Variants in MDGA2 observed in about 807,000 individuals in gnomAD.
The protein encoded by MDGA2 is MAM domain-containing glycosylphosphatidylinositol anchor protein 2.
In MDGA2, 40 loss-of-function variants were observed where a neutral mutation model predicts 117.8. The observed-to-expected ratio is 0.34, with a 90% CI of 0.26 to 0.44. The LOEUF (loss-of-function observed/expected upper bound fraction) is 0.44. Among genes scored for constraint, MDGA2 ranks in the 20% least tolerant of loss-of-function variants. The pLI is 1.00. For synonymous variants in MDGA2, 452 were observed against 439.0 expected, an observed-to-expected ratio of 1.03 and a Z score of -0.37; for missense variants, 1,123 against 1,250.6, an observed-to-expected ratio of 0.90 and a Z score of 1.54.
chr14:47,187,624 C>T (rs1425966133), intron 3 of MDGA2, among the ~76,000 whole-genome samples: 1 of 152,024 alleles, frequency 6.6e-6, no homozygotes, highest in Non-Finnish European at 1.5e-5. Context: ...ATCCATTCTG[C>T]TATTAATAGA....
intron 8 of MDGA2, among the ~76,000 whole-genome samples, chr14:47,012,857 T>G (rs759959581): frequency 2.6e-5 from 4 of 152,076 alleles, no homozygotes; most frequent in Non-Finnish European, 5.9e-5. Flanking sequence ...CCTGTGCATA[T>G]AAAAATTACA....
chr14:47,565,873 G>A (rs1389768100), intron 1 of MDGA2, among the ~76,000 whole-genome samples: 1 of 152,182 alleles, frequency 6.6e-6, no homozygotes, highest in African/African-American at 2.4e-5. Context: ...ACAATGTGGG[G>A]CAGGGAATGG....
chr14:46,899,725 C>T (rs919388884), intron 10 of MDGA2, among the ~76,000 whole-genome samples: 2 of 152,004 alleles, frequency 1.3e-5, no homozygotes, highest in East Asian at 3.9e-4. Flanking sequence ...TTGTAAGTTG[C>T]TAGTTGGCAA....
chr14:47,492,762 T>A (rs1344005804), intron 1 of MDGA2, among the ~76,000 whole-genome samples: 2 of 152,100 alleles, frequency 1.3e-5, no homozygotes, highest in Non-Finnish European at 2.9e-5. Flanking sequence ...ACAAGAAATT[T>A]TTTTTACTGT....
chr14:47,642,147 G>C (rs1262827203), intron 1 of MDGA2, among the ~76,000 whole-genome samples: 1 of 152,030 alleles, frequency 6.6e-6, no homozygotes, highest in African/African-American at 2.4e-5. Flanking sequence ...ATAAGGAATG[G>C]ACTCTGGAGA....
At chr14:47,618,591 G>T (rs1402298336) in intron 1 of MDGA2, among the ~76,000 whole-genome samples, 1 of 151,988 alleles carries the variant, frequency 6.6e-6, no homozygotes, top group Non-Finnish European at 1.5e-5. Flanking sequence ...GCTCATTTTT[G>T]CAATTTTTCT....
chr14:47,260,384 C>G, intron 2 of MDGA2, among the ~76,000 whole-genome samples: 1 of 152,020 alleles, frequency 6.6e-6, no homozygotes, highest in South Asian at 2.1e-4. Flanking sequence ...AAGTGAAAGA[C>G]GACAGTCAAG....
intron 2 of MDGA2, among the ~76,000 whole-genome samples, chr14:47,294,323 C>T (rs1888989822): frequency 6.6e-6 from 1 of 151,978 alleles, no homozygotes; most frequent in Non-Finnish European, 1.5e-5. Context: ...TCTCGAACTC[C>T]TGAGCTCAAG....
intron 1 of MDGA2, among the ~76,000 whole-genome samples, chr14:47,358,085 T>C (rs756540359): frequency 1.3e-5 from 2 of 152,150 alleles, no homozygotes; most frequent in African/African-American, 4.8e-5. Context: ...AGAAAACCAG[T>C]TGGATCCATA....
intron 1 of MDGA2, among the ~76,000 whole-genome samples, chr14:47,518,057 G>T (rs557674026): frequency 6.6e-6 from 1 of 152,042 alleles, no homozygotes; most frequent in African/African-American, 2.4e-5. Context: ...TTTTTATATT[G>T]TAGGTGACTG....
At chr14:47,384,871 GAGAATACAA>G (rs913642087) in intron 1 of MDGA2, among the ~76,000 whole-genome samples, 2 of 152,198 alleles carry the variant, frequency 1.3e-5, no homozygotes, top group African/African-American at 4.8e-5. Flanking sequence ...CATGCAACCA[GAGAATACAA>G]AGATAGCTGA....
chr14:47,524,278 C>T (rs951873209), intron 1 of MDGA2, among the ~76,000 whole-genome samples: 1 of 152,104 alleles, frequency 6.6e-6, no homozygotes, highest in East Asian at 1.9e-4. Flanking sequence ...GAGGATTTTA[C>T]TTTAATGGCA....
chr14:47,626,749 G>A (rs1214387940), intron 1 of MDGA2, among the ~76,000 whole-genome samples: 1 of 152,182 alleles, frequency 6.6e-6, no homozygotes, highest in African/African-American at 2.4e-5. Context: ...CTGCCTCCCA[G>A]CGAGGCAGGG....
At chr14:47,223,907 A>G (rs1300714509) in intron 2 of MDGA2, among the ~76,000 whole-genome samples, 1 of 152,138 alleles carries the variant, frequency 6.6e-6, no homozygotes, top group Non-Finnish European at 1.5e-5. Flanking sequence ...AGTGCCAAGC[A>G]AAGCTGGAAA....
At position 47,437,083 on chromosome 14, in the gene MDGA2, CT is replaced by C. The variant is rs1001213279; in HGVS notation, c.281-135534del. ...TCTTTTTAGCCTAGAATTGTACTTTCTTTTTTTTTTGTGGTGGGGAGGGGGA... is the reference window on the plus strand; with the variant it reads ...TCTTTTTAGCCTAGAATTGTACTTTCTTTTTTTTTGTGGTGGGGAGGGGGA... On this transcript the variant is annotated intron_variant, in intron 1 of 16. Coordinates refer to ENST00000399232, the MANE Select transcript of MDGA2 (RefSeq NM_001113498.3). Among the ~76,000 whole-genome samples the C allele has an allele frequency of 7.1e-4, 106 of 148,452 alleles. 1 individual carries two copies. Among genetic ancestry groups the C allele is most frequent in the African/African-American group, 1.4e-3 (55 of 40,586 alleles).
chr14:47,096,742 TATTTTACAG>T lies in MDGA2; in HGVS notation c.1195+103_1195+111del, dbSNP rs1879994643. 3.8e-6 allele frequency: 4 copies of T among 1,059,360 alleles called. No individual in the cohort carries two copies. In the Admixed American group the frequency reaches 8.6e-5, roughly 23 times the overall value. The allele number at this position is 1,059,360 out of a possible 1,614,324, so 65.6% of individuals were successfully genotyped here. A position where few individuals can be genotyped will look rare whatever the true frequency, so the allele number is the denominator to read the frequency against. On this transcript the variant is annotated intron_variant, in intron 6 of 16. Transcript: ENST00000399232. ...TATTATTTATACATGATTTTATCTG[TATTTTACAG>T]ATACATGCAATATTTGAGGAGGTAA...
At chr14:47,066,091 C>G (rs1050018858) in intron 6 of MDGA2, among the ~76,000 whole-genome samples, 22 of 152,176 alleles carry the variant, frequency 1.4e-4, no homozygotes, top group African/African-American at 5.1e-4. Context: ...TAGGTTACAT[C>G]AGCAAAGCAA....
At chr14:47,056,946 AGTAT>A (rs1351978418) in intron 7 of MDGA2, among the ~76,000 whole-genome samples, 1 of 152,102 alleles carries the variant, frequency 6.6e-6, no homozygotes, top group Non-Finnish European at 1.5e-5. Flanking sequence ...TATAGCATAT[AGTAT>A]ATTTAATTTT....
intron 1 of MDGA2, among the ~76,000 whole-genome samples, chr14:47,530,529 T>A (rs1895075686): frequency 6.6e-6 from 1 of 152,214 alleles, no homozygotes; most frequent in Admixed American, 6.5e-5. Flanking sequence ...TTCATCCCCA[T>A]GTGACCTTCT....
Sources: allele counts gnomAD v4.1 joint callset (sites outside exome capture counted in the v4.1 genomes callset), GRCh38; gene constraint gnomAD v4.1.1; transcripts MANE v1.5; gene names NCBI Gene and HGNC (gene_info 2026-07-23, HGNC 2026-07-21).